The following TENM2 variants were observed in gnomAD, a reference collection of about 807,000 sequenced individuals.
TENM2 encodes the protein teneurin-2.
In TENM2, 52 loss-of-function variants were observed where a neutral mutation model predicts 245.2. That is an observed-to-expected ratio of 0.21 (90% CI 0.17 to 0.27). TENM2 has a LOEUF of 0.27. Ranked by LOEUF, TENM2 falls within the 10% of genes least tolerant of loss-of-function variation. The probability of loss-of-function intolerance (pLI) is 1.00; values close to 1 mark genes in which losing one functional copy is unlikely to be tolerated. For synonymous variants in TENM2, 1,363 were observed against 1,438.9 expected, an observed-to-expected ratio of 0.95 and a Z score of 1.19; for missense variants, 3,046 against 3,666.8, an observed-to-expected ratio of 0.83 and a Z score of 4.37.
intron 2 of TENM2, among the ~76,000 whole-genome samples, chr5:167,442,039 A>G (rs1764907999): frequency 6.6e-6 from 1 of 152,232 alleles, no homozygotes; most frequent in Admixed American, 6.5e-5. Flanking sequence ...AAAAGAAAAG[A>G]AAAGAAATGC....
At position 167,634,478 on chromosome 5, in the gene TENM2, AT is replaced by A. The variant is rs35834363; in HGVS notation, c.503-241492del. Among the ~76,000 whole-genome samples, 312 of 143,996 alleles carry A rather than the reference AT, an allele frequency of 2.2e-3. 1 individual carries two copies. The highest frequency in any genetic ancestry group is 4.8e-3 in the African/African-American group (189 of 39,168). 94.5% of individuals were successfully genotyped at this position (143,996 alleles called of 152,430 possible). ...CATAAATATCTGAAGAACTTAACTG[AT>A]TTTTTTTTTTTTTTTGAGAGAGAGA... On this transcript the variant is annotated intron_variant, in intron 2 of 28. Coordinates refer to ENST00000518659, the Ensembl canonical transcript of TENM2.
chr5:167,378,210 G>A lies in TENM2; in HGVS notation c.502+2737G>A, dbSNP rs77247058. ...AACTTCCTTTTTGGTAATATGAAGTGTATATTCAGTCTGCAAAGTCATATA... is the reference window on the plus strand; with the variant it reads ...AACTTCCTTTTTGGTAATATGAAGTATATATTCAGTCTGCAAAGTCATATA... On this transcript the variant is annotated intron_variant, in intron 2 of 28. Coordinates refer to ENST00000518659, the Ensembl canonical transcript of TENM2. Among the ~76,000 whole-genome samples the A allele has an allele frequency of 3.6e-3, 543 of 152,120 alleles. 25 individuals are homozygous for A. The East Asian group carries it at 0.097, about 27-fold the overall frequency.
At chr5:167,566,249 T>G (rs1029971334) in intron 2 of TENM2, among the ~76,000 whole-genome samples, 2 of 152,038 alleles carry the variant, frequency 1.3e-5, no homozygotes, top group African/African-American at 4.8e-5. Flanking sequence ...GGGAGCCGTT[T>G]AAATGCAGAA....
chr5:168,212,073 T>C (rs1278240839), intron 20 of TENM2, among the ~76,000 whole-genome samples: 1 of 152,186 alleles, frequency 6.6e-6, no homozygotes, highest in Non-Finnish European at 1.5e-5. Flanking sequence ...GGCAAACTCC[T>C]GGCTTTTGTA....
At chr5:167,140,133 A>T in the TENM2 span, among the ~76,000 whole-genome samples, 1 of 152,140 alleles carries the variant, frequency 6.6e-6, no homozygotes, top group Non-Finnish European at 1.5e-5. Flanking sequence ...CTATCTGATT[A>T]CTGTTTTTTA....
At chr5:168,205,522 G>A (rs919268265) in intron 19 of TENM2, among the ~76,000 whole-genome samples, 9 of 152,176 alleles carry the variant, frequency 5.9e-5, no homozygotes, top group Non-Finnish European at 1.3e-4. Flanking sequence ...TACGTAAGGT[G>A]AATTAGTTGG....
intron 2 of TENM2, among the ~76,000 whole-genome samples, chr5:167,796,385 A>G (rs996713481): frequency 1.3e-5 from 2 of 150,248 alleles, no homozygotes; most frequent in African/African-American, 2.5e-5. Flanking sequence ...TTCCAGATGC[A>G]CTGACTTGCT....
At chr5:167,972,268 G>A (rs1042371035) in intron 4 of TENM2, among the ~76,000 whole-genome samples, 2 of 152,146 alleles carry the variant, frequency 1.3e-5, no homozygotes, top group Non-Finnish European at 2.9e-5. Flanking sequence ...AAAAATGCTT[G>A]TGGATGTCTG....
rs915159007 is a variant in TENM2, at chr5:167,862,782, G to A, written c.503-13204G>A. Among the ~76,000 whole-genome samples the A allele has an allele frequency of 4.6e-5, 7 of 152,166 alleles. No individual in the cohort carries two copies. In the East Asian group the frequency reaches 1.2e-3, roughly 25 times the overall value. On this transcript the variant is annotated intron_variant, in intron 2 of 28. Transcript: ENST00000518659. ...GGAGAAGGTGAGGAAGATGCAATTC[G>A]GGTTGTGAATTTCTGCTAGGGCACA...
chr5:167,700,085 T>C (rs976563087), intron 2 of TENM2, among the ~76,000 whole-genome samples: 3 of 152,050 alleles, frequency 2.0e-5, no homozygotes, highest in Non-Finnish European at 2.9e-5. Context: ...TGCCATATCA[T>C]AGAAACAGAA....
chr5:167,228,249 C>T, the TENM2 span, among the ~76,000 whole-genome samples: 3 of 151,752 alleles, frequency 2.0e-5, no homozygotes, highest in Non-Finnish European at 2.9e-5. Context: ...AGGCTGGTCT[C>T]GAACTCCTGA....
chr5:167,803,116 C>G (rs937720432), intron 2 of TENM2, among the ~76,000 whole-genome samples: 1 of 152,166 alleles, frequency 6.6e-6, no homozygotes, highest in Non-Finnish European at 1.5e-5. Context: ...TGGCCAATCA[C>G]TTCTCTGAGT....
At chr5:167,596,324 C>T (rs898356663) in intron 2 of TENM2, among the ~76,000 whole-genome samples, 4 of 152,096 alleles carry the variant, frequency 2.6e-5, no homozygotes, top group Non-Finnish European at 5.9e-5. Context: ...AAGCAGGAGG[C>T]CTGGCTTTGA....
chr5:167,264,210 A>G, the TENM2 span, among the ~76,000 whole-genome samples: 1 of 152,042 alleles, frequency 6.6e-6, no homozygotes, highest in Admixed American at 6.6e-5. Flanking sequence ...AATAATTAAG[A>G]CACGGTTTTT....
At chr5:167,103,355 G>T in the TENM2 span, among the ~76,000 whole-genome samples, 2 of 152,160 alleles carry the variant, frequency 1.3e-5, no homozygotes, top group African/African-American at 4.8e-5. Context: ...AATGGACTTA[G>T]TATGTAAGTG....
chr5:167,501,942 A>G (rs533092251), intron 2 of TENM2, among the ~76,000 whole-genome samples: 53 of 152,300 alleles, frequency 3.5e-4, no homozygotes, highest in Non-Finnish European at 7.1e-4. Flanking sequence ...AACCCTAAAA[A>G]GAAACTATTT....
At chr5:167,337,633 C>T (rs1359397491) in intron 1 of TENM2, among the ~76,000 whole-genome samples, 1 of 152,118 alleles carries the variant, frequency 6.6e-6, no homozygotes, top group Non-Finnish European at 1.5e-5. Flanking sequence ...AATGAGCAGT[C>T]ATCTTCCAGA....
the TENM2 span, among the ~76,000 whole-genome samples, chr5:167,011,665 T>C: frequency 6.6e-6 from 1 of 152,202 alleles, no homozygotes; most frequent in South Asian, 2.1e-4. Flanking sequence ...GTACCCCTTG[T>C]CCCTGTTAAC....
chr5:167,815,831 A>G (rs1367853545), intron 2 of TENM2, among the ~76,000 whole-genome samples: 1 of 152,122 alleles, frequency 6.6e-6, no homozygotes, highest in Non-Finnish European at 1.5e-5. Context: ...GCTAATGTAT[A>G]CACTGGGATT....
Sources: allele counts gnomAD v4.1 joint callset (sites outside exome capture counted in the v4.1 genomes callset), GRCh38; gene constraint gnomAD v4.1.1; transcripts MANE v1.5; gene names NCBI Gene and HGNC (gene_info 2026-07-23, HGNC 2026-07-21).